FAM120A: variants seen among roughly 807,000 people sequenced by gnomAD.
The protein encoded by FAM120A is constitutive coactivator of PPAR-gamma-like protein 1.
Under a neutral mutation model 109.7 loss-of-function variants are expected in FAM120A, and 15 were observed. That is an observed-to-expected ratio of 0.14 (90% CI 0.09 to 0.21). The LOEUF (loss-of-function observed/expected upper bound fraction) is 0.21, where lower values mean the gene tolerates loss of function less well. FAM120A is among the 10% of genes least tolerant of loss of function. The pLI, the probability that FAM120A is intolerant of heterozygous loss-of-function variation, is 1.00. For synonymous variants in FAM120A, 493 were observed against 572.8 expected (o/e 0.86, Z 1.99); for missense variants, 899 against 1,439.3 (o/e 0.62, Z 6.07).
At position 93,476,312 on chromosome 9, in the gene FAM120A, C is replaced by T. The variant is rs758674167; in HGVS notation, c.778C>T (p.Pro260Ser). ...LASFHWSLLG[P>S]EHPLASLKVR... ...TTCCTTTCACTGGAGTTTACTTGGTCCAGAACATCCACTAGCCTCACTAAA... is the reference window on the plus strand; with the variant it reads ...TTCCTTTCACTGGAGTTTACTTGGTTCAGAACATCCACTAGCCTCACTAAA... The change falls in exon 3 of 18, where the codon CCA (proline) becomes TCA (serine). Residue 260 changes from proline to serine, a missense_variant. Physicochemically the swap from Pro to Ser is moderately conservative, Grantham distance 74 (BLOSUM62 -1). Around this residue, in one of 11 missense-constraint regions of FAM120A, gnomAD observed 258 missense variants for 451.4 expected, o/e 0.57. Transcript: ENST00000277165. 6.2e-7 allele frequency: 1 copy of T among 1,607,930 alleles called. No homozygotes were observed. Among genetic ancestry groups the T allele is most frequent in the Admixed American group, 1.7e-5 (1 of 59,916 alleles).
At chr9:93,508,672 C>A (rs10992765) in intron 5 of FAM120A, among the ~76,000 whole-genome samples, 9,615 of 152,242 alleles carry the variant, frequency 0.063, 417 homozygotes, top group Non-Finnish European at 0.1. Flanking sequence ...GATCCTGCCC[C>A]TGCTTTGCTC....
rs1588886706 is a variant in FAM120A, at chr9:93,529,749, A to C, written c.1734+169A>C. On this transcript the variant is annotated intron_variant, in intron 9 of 17. Coordinates refer to ENST00000277165, the MANE Select transcript of FAM120A (RefSeq NM_014612.5). ...CATTGAATGAAAGATGAACATTTAT[A>C]ACTGTAAATAGTTTTAAAATAACTC... 4.5e-6 allele frequency: 3 copies of C among 673,576 alleles called. No individual in the cohort carries two copies. In the East Asian group the frequency reaches 8.1e-5, roughly 18 times the overall value. 41.7% of individuals were successfully genotyped at this position (673,576 alleles called of 1,614,324 possible). A position where few individuals can be genotyped will look rare whatever the true frequency, so the allele number is the denominator to read the frequency against.
chr9:93,532,365 G>C lies in FAM120A; in HGVS notation c.1909+36G>C, dbSNP rs761381521. 6.2e-7 allele frequency: 1 copy of C among 1,605,124 alleles called. No homozygotes were observed. Among genetic ancestry groups the C allele is most frequent in the East Asian group, 2.2e-5 (1 of 44,840 alleles). On this transcript the variant is annotated intron_variant, in intron 10 of 17. Coordinates refer to ENST00000277165, the MANE Select transcript of FAM120A (RefSeq NM_014612.5). This position sits in a 1 kb window ranked among gnomAD's most constrained non-coding sequence, Gnocchi z 4.3. ...TAACAATCCATTGTTTGTTTTCCTCGGTACCTCGTAATCTCTTGTGCATTT... is the reference window on the plus strand; with the variant it reads ...TAACAATCCATTGTTTGTTTTCCTCCGTACCTCGTAATCTCTTGTGCATTT...
intron 1 of FAM120A, among the ~76,000 whole-genome samples, chr9:93,459,190 A>C (rs77396353): frequency 1.3e-5 from 2 of 152,196 alleles, no homozygotes; most frequent in African/African-American, 4.8e-5. Flanking sequence ...TGCAGTGGAC[A>C]TTCTAGTCTG....
intron 7 of FAM120A, among the ~76,000 whole-genome samples, chr9:93,524,691 G>A (rs940689628): frequency 6.6e-6 from 1 of 152,186 alleles, no homozygotes; most frequent in African/African-American, 2.4e-5. Context: ...ATAAGGGTCT[G>A]GGTTTGAATC....
rs1302703456 is a variant in FAM120A, at chr9:93,476,175, G to T, written c.722-81G>T. ...TCTGTTTGAAAGTTTTCTACTATAG[G>T]TGACAATATGCAGCACTTTTGAAAG... On this transcript the variant is annotated intron_variant, in intron 2 of 17. Coordinates refer to ENST00000277165, the MANE Select transcript of FAM120A (RefSeq NM_014612.5). The T allele has an allele frequency of 9.0e-6, 8 of 885,882 alleles. No homozygotes were observed. In the East Asian group the frequency reaches 2.0e-4, roughly 22 times the overall value. 54.9% of individuals were successfully genotyped at this position (885,882 alleles called of 1,614,324 possible). A position where few individuals can be genotyped will look rare whatever the true frequency, so the allele number is the denominator to read the frequency against.
chr9:93,514,306 T>C (rs934092676), intron 5 of FAM120A, among the ~76,000 whole-genome samples: 1 of 152,152 alleles, frequency 6.6e-6, no homozygotes, highest in African/African-American at 2.4e-5. Context: ...GTGGGGATTA[T>C]GGGGATTATA....
intron 5 of FAM120A, among the ~76,000 whole-genome samples, chr9:93,508,668 G>C (rs531703208): frequency 2.4e-4 from 36 of 152,298 alleles, no homozygotes; most frequent in Non-Finnish European, 4.3e-4. Flanking sequence ...TGGGGATCCT[G>C]CCCCTGCTTT....
rs368196789 is a variant in FAM120A, at chr9:93,557,915, C to T, written c.2573C>T (p.Pro858Leu). 1.1e-4 allele frequency: 185 copies of T among 1,611,388 alleles called. No individual in the cohort carries two copies. Among genetic ancestry groups the T allele is most frequent in the Non-Finnish European group, 1.4e-4 (167 of 1,179,974 alleles). The change falls in exon 14 of 18, where the codon CCG (proline) becomes CTG (leucine). Residue 858 changes from proline to leucine, a missense_variant. This residue lies in a region of FAM120A where 129 missense variants were observed against 153.4 expected (regional missense o/e 0.84). Transcript: ENST00000277165. ...FSRQSHTLPFPPPPALPFYPA... is the reference protein window; with the variant it reads ...FSRQSHTLPFLPPPALPFYPA... ...AGGCAGAGCCACACGCTCCCTTTCC[C>T]GCCGCCACCTGCCCTGCCCTTCTAC...
chr9:93,499,507 C>G (rs982314184), intron 5 of FAM120A, among the ~76,000 whole-genome samples: 2 of 152,068 alleles, frequency 1.3e-5, no homozygotes, highest in South Asian at 2.1e-4. Flanking sequence ...AGACTTGTCT[C>G]GAACTCCTAG....
intron 11 of FAM120A, among the ~76,000 whole-genome samples, chr9:93,544,087 T>C (rs1354055854): frequency 6.6e-6 from 1 of 152,260 alleles, no homozygotes; most frequent in Non-Finnish European, 1.5e-5. Flanking sequence ...TTTGTATCAG[T>C]ATGGGCTCCT....
chr9:93,561,746 ATTAT>A (rs552784525), intron 16 of FAM120A, among the ~76,000 whole-genome samples: 184 of 152,220 alleles, frequency 1.2e-3, no homozygotes, highest in African/African-American at 4.0e-3. Context: ...GTATTATGTA[ATTAT>A]TTAATTAACC....
intron 1 of FAM120A, among the ~76,000 whole-genome samples, chr9:93,461,346 A>G (rs1272747290): frequency 6.6e-6 from 1 of 152,202 alleles, no homozygotes; most frequent in Non-Finnish European, 1.5e-5. Flanking sequence ...AAGCCAGCCC[A>G]GACTGTTGGA....
Position 93,541,012 on chromosome 9 carries a change from A to G in FAM120A, c.1910-2210A>G, listed in dbSNP as rs574365071. Among the ~76,000 whole-genome samples the G allele has an allele frequency of 5.3e-4, 81 of 151,914 alleles. 1 individual carries two copies. The South Asian group carries it at 0.014, about 25-fold the overall frequency. ...AACCCCTAGGGGACTCCTGACATGCACAACCTAAACCCATGCTCTGTGTGT... is the reference window on the plus strand; with the variant it reads ...AACCCCTAGGGGACTCCTGACATGCGCAACCTAAACCCATGCTCTGTGTGT... On this transcript the variant is annotated intron_variant, in intron 10 of 17. Transcript: ENST00000277165.
intron 11 of FAM120A, among the ~76,000 whole-genome samples, chr9:93,544,173 C>T (rs555672897): frequency 2.0e-5 from 3 of 152,240 alleles, no homozygotes; most frequent in East Asian, 3.9e-4. Context: ...GCACATTGTC[C>T]CGGCTTATCC....
intron 17 of FAM120A, among the ~76,000 whole-genome samples, chr9:93,562,895 C>T (rs1272905998): frequency 3.3e-5 from 5 of 152,218 alleles, no homozygotes; most frequent in East Asian, 3.9e-4. Context: ...AAACTCCTGA[C>T]CTCAGGTGAT....
chr9:93,562,665 CTTTTTT>C (rs535421624), intron 17 of FAM120A, among the ~76,000 whole-genome samples: 3 of 134,990 alleles, frequency 2.2e-5, no homozygotes, highest in Admixed American at 1.5e-4. Context: ...CTTTCTTTTT[CTTTTTT>C]TTTTTTTTTT....
At chr9:93,493,509 C>T (rs1859427282) in intron 3 of FAM120A, among the ~76,000 whole-genome samples, 1 of 152,178 alleles carries the variant, frequency 6.6e-6, no homozygotes, top group Non-Finnish European at 1.5e-5. Flanking sequence ...CCTTACAATC[C>T]TAATGCTATC....
rs781634646 is a variant in FAM120A at position 93,543,266 on chromosome 9, T to G, written c.1954T>G (p.Ser652Ala). 1.2e-6 allele frequency: 2 copies of G among 1,614,192 alleles called. No homozygotes were observed. Among genetic ancestry groups the G allele is most frequent in the Non-Finnish European group, 1.7e-6 (2 of 1,180,042 alleles). ...AGAATGGGCAGCTTACAAAGGAAAG[T>G]CTCCTCAAACCCCGGAACTGGTTGA... is the stretch of plus-strand genomic sequence containing the variant. ...IKEWAAYKGKSPQTPELVEAL... is the reference protein window; with the variant it reads ...IKEWAAYKGKAPQTPELVEAL... The change falls in exon 11 of 18, where the codon TCT becomes GCT. Residue 652 changes from serine (S) to alanine (A), a missense_variant. Coordinates refer to ENST00000277165, the MANE Select transcript of FAM120A (RefSeq NM_014612.5).
Sources: allele counts gnomAD v4.1 joint callset (sites outside exome capture counted in the v4.1 genomes callset), GRCh38; gene constraint gnomAD v4.1.1; regional missense constraint gnomAD v4.1.1; non-coding constraint Gnocchi (gnomAD v3.1); transcripts MANE v1.5; gene names NCBI Gene and HGNC (gene_info 2026-07-23, HGNC 2026-07-21).